Variants in ADAMTSL3 observed in about 807,000 individuals in gnomAD.
The protein encoded by ADAMTSL3 is ADAMTS-like protein 3.
ADAMTSL3 carries 128 observed loss-of-function variants against 201.7 expected under a neutral mutation model. The observed-to-expected ratio is 0.63, with a 90% CI of 0.55 to 0.73. The LOEUF (loss-of-function observed/expected upper bound fraction) is 0.73, where lower values mean the gene tolerates loss of function less well. ADAMTSL3 is among the 30% of genes least tolerant of loss of function. The pLI is 0.00. For synonymous variants in ADAMTSL3, 738 were observed against 748.4 expected (o/e 0.99, Z 0.23); for missense variants, 1,990 against 2,119.6 (o/e 0.94, Z 1.20).
intron 19 of ADAMTSL3, chr15:83,945,744 C>G (rs1262906485): frequency 6.6e-6 from 1 of 152,130 alleles, no homozygotes; most frequent in Non-Finnish European, 1.5e-5. Context: ...TAGTGTGGCC[C>G]AAGGACTAGT....
At chr15:83,677,472 A>G (rs77768993) in intron 2 of ADAMTSL3, among the ~76,000 whole-genome samples, 2,130 of 151,742 alleles carry the variant, frequency 0.014, 39 homozygotes, top group African/African-American at 0.05. Flanking sequence ...GTGCATACAC[A>G]TTTAGAATTC....
rs554499667 is a variant in ADAMTSL3, at chr15:83,726,084, C to T, written c.189+21576C>T. Among the ~76,000 whole-genome samples the T allele has an allele frequency of 4.1e-4, 63 of 151,990 alleles. No homozygotes were observed. The South Asian group carries it at 0.011, about 27-fold the overall frequency. The stretch of plus-strand genomic sequence containing the variant: ...TCTTCAATTTCTTGCATCAACGTTT[C>T]GTCGTTTTCATTGTAGAAATCTTTC... On this transcript the variant is annotated intron_variant, in intron 3 of 29. Transcript: ENST00000286744.
At chr15:83,753,795 T>C (rs1324835069) in intron 3 of ADAMTSL3, among the ~76,000 whole-genome samples, 1 of 152,170 alleles carries the variant, frequency 6.6e-6, no homozygotes, top group Non-Finnish European at 1.5e-5. Flanking sequence ...CAAGAAAATA[T>C]ATAAAGTGAT....
chr15:83,687,347 T>C (rs2061551676), intron 2 of ADAMTSL3, among the ~76,000 whole-genome samples: 1 of 152,242 alleles, frequency 6.6e-6, no homozygotes, highest in Admixed American at 6.5e-5. Flanking sequence ...TTACATTACT[T>C]TTTGTCCTAC....
chr15:83,759,683 G>A (rs1461772074), intron 3 of ADAMTSL3, among the ~76,000 whole-genome samples: 2 of 152,180 alleles, frequency 1.3e-5, no homozygotes, highest in Non-Finnish European at 2.9e-5. Context: ...ACAGGAAGGA[G>A]CACAGCAAAG....
intron 4 of ADAMTSL3, among the ~76,000 whole-genome samples, chr15:83,803,593 ATTTTTAAGGAG>A (rs1388077645): frequency 2.0e-5 from 3 of 152,136 alleles, no homozygotes; most frequent in Non-Finnish European, 4.4e-5. Context: ...GAGATCAGAT[ATTTTTAAGGAG>A]TTTATGTAAA....
chr15:83,768,143 A>G (rs566177561), intron 3 of ADAMTSL3, among the ~76,000 whole-genome samples: 1 of 152,226 alleles, frequency 6.6e-6, no homozygotes, highest in Non-Finnish European at 1.5e-5. Context: ...AAAAAGACAC[A>G]TTATTTTTGA....
chr15:83,982,964 C>T lies in ADAMTSL3; in HGVS notation c.3336C>T (p.Val1112=). Residue 1112 remains valine, a synonymous_variant, in exon 21 of 30, where the codon GTC becomes GTT. Coordinates refer to ENST00000286744, the MANE Select transcript of ADAMTSL3 (RefSeq NM_207517.3). Reference sequence around the variant, plus strand: ...GTCAGCTCATGGAAACCGGAGAGGTCAGCGATGATCTTGCGTCCCAGCTGA... The same window carrying T: ...GTCAGCTCATGGAAACCGGAGAGGTTAGCGATGATCTTGCGTCCCAGCTGA... ...NMSQLMETGE[V]SDDLASQLIY... The T allele has an allele frequency of 6.2e-7, 1 of 1,614,088 alleles. No individual in the cohort carries two copies. Among genetic ancestry groups the T allele is most frequent in the Non-Finnish European group, 8.5e-7 (1 of 1,180,016 alleles).
intron 27 of ADAMTSL3, among the ~76,000 whole-genome samples, chr15:84,031,028 CT>C (rs1192194268): frequency 1.3e-5 from 2 of 152,196 alleles, no homozygotes; most frequent in Non-Finnish European, 2.9e-5. Flanking sequence ...CCCAGCCATG[CT>C]GACTGTGAGT....
intron 10 of ADAMTSL3, 29 bp from the exon 11 acceptor site, chr15:83,890,080 A>T (rs778983120): frequency 6.3e-7 from 1 of 1,595,144 alleles, no homozygotes; most frequent in South Asian, 1.1e-5. Context: ...CGGATGCAAT[A>T]TTCAGACTTG....
chr15:83,776,366 G>A (rs62025778), intron 4 of ADAMTSL3, among the ~76,000 whole-genome samples: 7,998 of 152,206 alleles, frequency 0.053, 312 homozygotes, highest in Non-Finnish European at 0.078. Context: ...CTGCCTTCAA[G>A]GTTCTTATAT....
Position 84,021,493 on chromosome 15 carries a change from G to A in ADAMTSL3, c.4357G>A (p.Val1453Met), listed in dbSNP as rs2068204358. The change falls in exon 26 of 30, where the codon GTG becomes ATG. Residue 1453 changes from valine to methionine, a missense_variant. Transcript: ENST00000286744. Reference sequence around the variant, plus strand: ...AGCCCGCATTCAGAGACCCCAGTGTGTGATGGCCAATGGGCAGGAAGTGAG... The same window carrying A: ...AGCCCGCATTCAGAGACCCCAGTGTATGATGGCCAATGGGCAGGAAGTGAG... ...LGARIQRPQC[V>M]MANGQEVSEA... 2 of 1,614,188 alleles carry A rather than the reference G, an allele frequency of 1.2e-6. No homozygotes were observed. Among genetic ancestry groups the A allele is most frequent in the Non-Finnish European group, 1.7e-6 (2 of 1,180,040 alleles).
At chr15:83,912,921 T>C (rs2065958057) in intron 15 of ADAMTSL3, among the ~76,000 whole-genome samples, 171 bp from the exon 16 acceptor site, 2 of 152,242 alleles carry the variant, frequency 1.3e-5, no homozygotes, top group Admixed American at 1.3e-4. Context: ...ATTTGAATGT[T>C]TGTTAACTGC....
At chr15:83,713,674 A>G (rs1217012715) in intron 3 of ADAMTSL3, among the ~76,000 whole-genome samples, 1 of 152,244 alleles carries the variant, frequency 6.6e-6, no homozygotes, top group Non-Finnish European at 1.5e-5. Context: ...GCCAGGCAAG[A>G]AAAGACTTCG....
At chr15:83,890,316 A>G (rs2065478894) in intron 11 of ADAMTSL3, 69 bp downstream of exon 11, 4 of 1,568,822 alleles carry the variant, frequency 2.5e-6, no homozygotes, top group South Asian at 2.4e-5. Context: ...AGACTGATCA[A>G]TCTTTGCAGG....
rs558953938 is a variant in ADAMTSL3 at position 83,791,182 on chromosome 15, T to C, written c.318-13468T>C. On this transcript the variant is annotated intron_variant, in intron 4 of 29. Transcript: ENST00000286744. ...TACCCAAAGTGATCTACAGATTCAGTGTAATCTCTGTCAAAATCTGTCACA... is the reference window on the plus strand; with the variant it reads ...TACCCAAAGTGATCTACAGATTCAGCGTAATCTCTGTCAAAATCTGTCACA... Among the ~76,000 whole-genome samples, 5 of 152,256 alleles carry C rather than the reference T, an allele frequency of 3.3e-5. No individual in the cohort carries two copies. In the South Asian group the frequency reaches 6.2e-4, roughly 19 times the overall value.
intron 4 of ADAMTSL3, among the ~76,000 whole-genome samples, chr15:83,787,316 C>T (rs943859824): frequency 6.6e-6 from 1 of 151,968 alleles, no homozygotes; most frequent in African/African-American, 2.4e-5. Context: ...TTATGCTGTG[C>T]CCACATGATT....
rs1555460183 is a variant in ADAMTSL3 at position 83,917,412 on chromosome 15, A to AGTGTGTGT, written c.1987+4035_1987+4042dup. On this transcript the variant is annotated intron_variant, in intron 16 of 29. Transcript: ENST00000286744. Reference sequence around the variant, plus strand: ...CCAGACACCAATCTCCAGCTTCCAAAGTGTGTGTATGTATGTATGTATGTA... The same window carrying AGTGTGTGT: ...CCAGACACCAATCTCCAGCTTCCAAAGTGTGTGTGTGTGTGTATGTATGTATGTATGTA... 8.3e-3 allele frequency among the ~76,000 whole-genome samples: 1,215 copies of AGTGTGTGT among 146,176 alleles called. 15 individuals are homozygous for AGTGTGTGT. Among genetic ancestry groups the AGTGTGTGT allele is most frequent in the African/African-American group, 0.029 (1,130 of 39,332 alleles).
chr15:84,035,527 C>T (rs566877819), intron 28 of ADAMTSL3, among the ~76,000 whole-genome samples: 10 of 152,212 alleles, frequency 6.6e-5, no homozygotes, highest in African/African-American at 2.2e-4. Flanking sequence ...TTCCATATAT[C>T]GTATGAACAG....
Sources: gnomAD v4.1 joint callset for allele counts (sites outside exome capture counted in the v4.1 genomes callset) on GRCh38, gnomAD v4.1.1 for gene constraint, MANE v1.5 for transcripts, NCBI Gene and HGNC (gene_info 2026-07-23, HGNC 2026-07-21) for gene names.